The following CHN2 variants were observed in gnomAD, a reference collection of about 807,000 sequenced individuals.
CHN2 encodes the protein beta-chimaerin.
In CHN2, 35 loss-of-function variants were observed where a neutral mutation model predicts 56.3. The observed-to-expected ratio is 0.62, with a 90% CI of 0.47 to 0.82. The LOEUF (loss-of-function observed/expected upper bound fraction) is 0.82. Ranked by LOEUF, CHN2 falls within the 40% of genes least tolerant of loss-of-function variation. The probability of loss-of-function intolerance (pLI) is 0.00; values close to 1 mark genes in which losing one functional copy is unlikely to be tolerated. For missense variants in CHN2, 491 were observed against 580.5 expected (o/e 0.85, Z 1.58); for synonymous variants, 210 against 212.8 (o/e 0.99, Z 0.12).
chr7:29,383,495 C>A (rs1397987539), intron 3 of CHN2, among the ~76,000 whole-genome samples: 1 of 152,188 alleles, frequency 6.6e-6, no homozygotes, highest in Non-Finnish European at 1.5e-5. Context: ...CTTCTTTACT[C>A]AGTCATTGAG....
At chr7:29,391,374 G>A (rs10232900) in intron 3 of CHN2, among the ~76,000 whole-genome samples, 115,481 of 131,766 alleles carry the variant, frequency 0.88, 51,049 homozygotes, top group Non-Finnish European at 0.92. Context: ...GGAAGGGAGG[G>A]TAGAAGGGAG....
chr7:29,480,100 A>T, intron 6 of CHN2, 179 bp from the exon 7 acceptor site: 2 of 1,552,010 alleles, frequency 1.3e-6, no homozygotes, highest in Non-Finnish European at 1.7e-6. Flanking sequence ...AAGAGCTGGG[A>T]TCCAGGCACT....
At chr7:29,309,812 G>T (rs1794449799) in intron 1 of CHN2, among the ~76,000 whole-genome samples, 1 of 152,234 alleles carries the variant, frequency 6.6e-6, no homozygotes, top group Non-Finnish European at 1.5e-5. Flanking sequence ...CAGGCTGGTT[G>T]CTGCCTCATC....
exon 1 of CHN2, chr7:29,146,612 C>G (rs1022857906): frequency 1.3e-6 from 2 of 1,550,412 alleles, no homozygotes; most frequent in Non-Finnish European, 1.7e-6. Context: ...GCAAAAAGTG[C>G]GTCGTCGTGT....
At chr7:29,304,675 G>T (rs181881760) in intron 1 of CHN2, among the ~76,000 whole-genome samples, 1 of 152,294 alleles carries the variant, frequency 6.6e-6, no homozygotes, top group East Asian at 1.9e-4. Flanking sequence ...AACTGGTTTT[G>T]TGACTCTTAA....
intron 6 of CHN2, among the ~76,000 whole-genome samples, chr7:29,424,529 C>G (rs1232621672): frequency 6.6e-6 from 1 of 152,216 alleles, no homozygotes; most frequent in Non-Finnish European, 1.5e-5. Context: ...TCAATTGTCA[C>G]AACTGTTGAC....
At chr7:29,166,251 C>T (rs186020330) in intron 2 of CHN2, among the ~76,000 whole-genome samples, 160 of 152,156 alleles carry the variant, frequency 1.1e-3, no homozygotes, top group Non-Finnish European at 1.9e-3. Context: ...CCAGGCTAGT[C>T]TCAAACTCCT....
chr7:29,316,041 A>G (rs541663649), intron 1 of CHN2, among the ~76,000 whole-genome samples: 1 of 152,300 alleles, frequency 6.6e-6, no homozygotes, highest in East Asian at 1.9e-4. Context: ...CTTTGTCACA[A>G]ATTCATTGGG....
intron 6 of CHN2, among the ~76,000 whole-genome samples, chr7:29,469,104 T>C (rs1430053891): frequency 1.3e-5 from 2 of 152,204 alleles, no homozygotes; most frequent in Admixed American, 1.3e-4. Flanking sequence ...GTCTAGCTGC[T>C]CGTGCCCAAA....
chr7:29,415,698 T>A (rs889190094), intron 6 of CHN2, among the ~76,000 whole-genome samples: 1 of 151,962 alleles, frequency 6.6e-6, no homozygotes, highest in East Asian at 1.9e-4. Context: ...GTGGATCTTA[T>A]GCCCAAATGG....
At chr7:29,179,324 T>G (rs1195667806) in intron 2 of CHN2, among the ~76,000 whole-genome samples, 1 of 152,220 alleles carries the variant, frequency 6.6e-6, no homozygotes, top group Non-Finnish European at 1.5e-5. Flanking sequence ...CTCCCTTCAC[T>G]CTTTGCTAGA....
intron 1 of CHN2, among the ~76,000 whole-genome samples, chr7:29,205,362 G>A (rs1043265179): frequency 5.3e-5 from 8 of 152,188 alleles, no homozygotes; most frequent in Admixed American, 5.2e-4. Flanking sequence ...GCTCTAGGAA[G>A]CTGGGGATCT....
chr7:29,454,888 T>G (rs1784639146), intron 6 of CHN2, among the ~76,000 whole-genome samples: 1 of 151,296 alleles, frequency 6.6e-6, no homozygotes, highest in Admixed American at 6.6e-5. Flanking sequence ...AAAAACACCT[T>G]AGTGCATTTT....
At chr7:29,360,740 C>T (rs1798674944) in intron 2 of CHN2, among the ~76,000 whole-genome samples, 3 of 152,168 alleles carry the variant, frequency 2.0e-5, no homozygotes, top group Admixed American at 1.3e-4. Flanking sequence ...CATATACCCT[C>T]CTTAGAAAGA....
At chr7:29,226,314 A>G (rs867490239) in intron 1 of CHN2, among the ~76,000 whole-genome samples, 3 of 152,236 alleles carry the variant, frequency 2.0e-5, no homozygotes, top group Non-Finnish European at 4.4e-5. Flanking sequence ...AAACTAGGTA[A>G]TACTGGGGAT....
chr7:29,278,101 A>C (rs1235041302), intron 1 of CHN2, among the ~76,000 whole-genome samples: 1 of 152,152 alleles, frequency 6.6e-6, no homozygotes, highest in Non-Finnish European at 1.5e-5. Flanking sequence ...CCCAGGCAGA[A>C]ACTTACTATG....
At chr7:29,332,118 A>C (rs941336246) in intron 1 of CHN2, among the ~76,000 whole-genome samples, 2 of 152,220 alleles carry the variant, frequency 1.3e-5, no homozygotes, top group Non-Finnish European at 2.9e-5. Context: ...ATCCATCCAA[A>C]GGAGAAAATA....
intron 6 of CHN2, among the ~76,000 whole-genome samples, chr7:29,421,988 G>A (rs770869989): frequency 2.6e-5 from 4 of 152,100 alleles, no homozygotes; most frequent in East Asian, 1.9e-4. Flanking sequence ...GGGAATCACC[G>A]AATATGGGTA....
chr7:29,479,751 C>T (rs1786926956), intron 6 of CHN2: 2 of 1,146,028 alleles, frequency 1.7e-6, no homozygotes, highest in East Asian at 1.2e-4. Flanking sequence ...GGAGGAGAGA[C>T]CTCTCCTTTG....
Sources: gnomAD v4.1 joint callset for allele counts (sites outside exome capture counted in the v4.1 genomes callset) on GRCh38, gnomAD v4.1.1 for gene constraint, MANE v1.5 for transcripts, NCBI Gene and HGNC (gene_info 2026-07-23, HGNC 2026-07-21) for gene names.